Variants in PLCB1 observed in about 807,000 individuals in gnomAD.
PLCB1 encodes the protein 1-phosphatidylinositol 4,5-bisphosphate phosphodiesterase beta-1.
A neutral mutation model predicts 161.8 loss-of-function variants in PLCB1; 46 were observed. The ratio of observed to expected loss-of-function variants is 0.28; its 90% confidence interval spans 0.22 to 0.36. The LOEUF is 0.36. PLCB1 is among the 10% of genes least tolerant of loss of function. The probability of loss-of-function intolerance (pLI) is 1.00; values close to 1 mark genes in which losing one functional copy is unlikely to be tolerated. For missense variants in PLCB1, 1,016 were observed against 1,472.5 expected, an observed-to-expected ratio of 0.69 and a Z score of 5.07; for synonymous variants, 517 against 503.7, an observed-to-expected ratio of 1.03 and a Z score of -0.35.
intron 31 of PLCB1, among the ~76,000 whole-genome samples, chr20:8,809,605 T>G (rs1325467981): frequency 6.6e-6 from 1 of 152,214 alleles, no homozygotes; most frequent in Non-Finnish European, 1.5e-5. Context: ...GCACAAACCT[T>G]ACCCTCTTTC....
At chr20:8,175,067 T>C (rs147481792) in intron 2 of PLCB1, among the ~76,000 whole-genome samples, 94 of 152,096 alleles carry the variant, frequency 6.2e-4, no homozygotes, top group Non-Finnish European at 1.1e-3. Flanking sequence ...AGACCCCATC[T>C]CTAAAAAATA....
At chr20:8,834,755 C>T (rs1311586687) in intron 31 of PLCB1, among the ~76,000 whole-genome samples, 1 of 131,926 alleles carries the variant, frequency 7.6e-6, no homozygotes, top group African/African-American at 2.9e-5. Context: ...GCAGAGGTTG[C>T]AGTGAGCCAA....
At chr20:8,402,073 A>G (rs1978577585) in intron 3 of PLCB1, among the ~76,000 whole-genome samples, 1 of 152,124 alleles carries the variant, frequency 6.6e-6, no homozygotes, top group Admixed American at 6.5e-5. Flanking sequence ...ACTTTTCTAT[A>G]TATTTTTAGA....
At chr20:8,560,562 G>A (rs1986109673) in intron 3 of PLCB1, among the ~76,000 whole-genome samples, 1 of 151,992 alleles carries the variant, frequency 6.6e-6, no homozygotes, top group Non-Finnish European at 1.5e-5. Flanking sequence ...GTCTAGTGTT[G>A]TTCAACTAAT....
At chr20:8,710,502 CTTTTTTT>C (rs1177302486) in intron 12 of PLCB1, among the ~76,000 whole-genome samples, 2 of 71,464 alleles carry the variant, frequency 2.8e-5, no homozygotes, top group Non-Finnish European at 5.4e-5. Context: ...CTTGAGGATG[CTTTTTTT>C]TTTTTTTTTT....
At chr20:8,138,036 A>C (rs1273287985) in intron 1 of PLCB1, among the ~76,000 whole-genome samples, 1 of 152,238 alleles carries the variant, frequency 6.6e-6, no homozygotes, top group Non-Finnish European at 1.5e-5. Context: ...AAACAGTTCA[A>C]CAAAACCCTA....
At chr20:8,658,449 A>G in intron 8 of PLCB1, 89 bp from the exon 9 acceptor site, 1 of 1,001,188 alleles carries the variant, frequency 1.0e-6, no homozygotes, top group Non-Finnish European at 1.5e-6. Flanking sequence ...TATCAAGTAT[A>G]AGATTTTATT....
At chr20:8,268,006 G>A (rs1310309137) in intron 2 of PLCB1, among the ~76,000 whole-genome samples, 1 of 148,730 alleles carries the variant, frequency 6.7e-6, no homozygotes, top group African/African-American at 2.5e-5. Context: ...TAGGGTACAT[G>A]TGCACAACGT....
chr20:8,675,295 C>T (rs1990047866), intron 9 of PLCB1, among the ~76,000 whole-genome samples: 1 of 152,156 alleles, frequency 6.6e-6, no homozygotes, highest in African/African-American at 2.4e-5. Context: ...GATATCCAAG[C>T]TATTTCCCAC....
Position 8,369,056 on chromosome 20 carries a change from T to G in PLCB1, c.178-2326T>G. On this transcript the variant is annotated intron_variant, in intron 2 of 31. Coordinates refer to ENST00000338037, the MANE Select transcript of PLCB1 (RefSeq NM_015192.4). ...GATCTTATCTTTGTATGTTTTAGTT[T>G]CTCAGTACTAGTGTATACCTGATAC... 1.3e-5 allele frequency among the ~76,000 whole-genome samples: 2 copies of G among 152,208 alleles called. 1 individual carries two copies. Among genetic ancestry groups the G allele is most frequent in the Non-Finnish European group, 2.9e-5 (2 of 68,036 alleles).
chr20:8,839,897 G>A (rs1986432388), intron 31 of PLCB1, among the ~76,000 whole-genome samples: 1 of 152,022 alleles, frequency 6.6e-6, no homozygotes, highest in South Asian at 2.1e-4. Flanking sequence ...TGGGCGTGGT[G>A]GCACATGCCT....
Position 8,150,347 on chromosome 20 carries a change from CT to C in PLCB1, c.157del (p.Tyr53ThrfsTer50). The C allele has an allele frequency of 6.4e-7, 1 of 1,560,794 alleles. No homozygotes were observed. Among genetic ancestry groups the C allele is most frequent in the Non-Finnish European group, 8.8e-7 (1 of 1,138,644 alleles). ...TGAGGACTGACCCTCAGGGATTTTT[CT>C]TTTACTGGACAGATCAAAACAAGGT... ...ILRTDPQGFFFYWTDQNKETE... is the reference protein window; with the variant it reads ...ILRTDPQGFFXYWTDQNKETE... On this transcript the variant is annotated frameshift_variant, in exon 2 of 32. Coordinates refer to ENST00000338037, the MANE Select transcript of PLCB1 (RefSeq NM_015192.4). LOFTEE classifies it high-confidence loss of function.
intron 3 of PLCB1, among the ~76,000 whole-genome samples, chr20:8,543,835 A>G (rs181192321): frequency 3.5e-4 from 54 of 152,208 alleles, no homozygotes; most frequent in African/African-American, 1.3e-3. Context: ...GCTCATTCTC[A>G]TTCTCGCTCC....
intron 3 of PLCB1, among the ~76,000 whole-genome samples, chr20:8,600,415 G>T (rs1400693580): frequency 7.0e-6 from 1 of 142,088 alleles, no homozygotes; most frequent in Non-Finnish European, 1.5e-5. Context: ...GCTGCTCGGG[G>T]GTCAGGGGTC....
chr20:8,590,982 G>A (rs1243074962), intron 3 of PLCB1, among the ~76,000 whole-genome samples: 3 of 151,548 alleles, frequency 2.0e-5, no homozygotes, highest in Non-Finnish European at 4.4e-5. Context: ...CCCCCTCCCC[G>A]ACCTTCCAAC....
intron 3 of PLCB1, among the ~76,000 whole-genome samples, chr20:8,455,913 G>T (rs1169053545): frequency 6.6e-6 from 1 of 152,150 alleles, no homozygotes; most frequent in East Asian, 1.9e-4. Context: ...TTCAAGGACG[G>T]TAATCAGGCA....
At chr20:8,742,674 T>A (rs144006598) in intron 23 of PLCB1, among the ~76,000 whole-genome samples, 2 of 152,304 alleles carry the variant, frequency 1.3e-5, no homozygotes, top group East Asian at 3.9e-4. Flanking sequence ...AATAAAAGTA[T>A]TAAGTATCTC....
intron 2 of PLCB1, chr20:8,306,454 T>A (rs1984141215): frequency 6.6e-6 from 1 of 152,214 alleles, no homozygotes. Context: ...TGAGTCAGAT[T>A]TACTTAAGTT....
At chr20:8,347,208 T>C (rs542497669) in intron 2 of PLCB1, among the ~76,000 whole-genome samples, 1 of 152,382 alleles carries the variant, frequency 6.6e-6, no homozygotes, top group African/African-American at 2.4e-5. Flanking sequence ...TACCTCTGTA[T>C]TGTGCTATTT....
Sources: allele counts gnomAD v4.1 joint callset (sites outside exome capture counted in the v4.1 genomes callset), GRCh38; gene constraint gnomAD v4.1.1; transcripts MANE v1.5; gene names NCBI Gene and HGNC (gene_info 2026-07-23, HGNC 2026-07-21).